ABHD12: variants seen among roughly 807,000 people sequenced by gnomAD.
ABHD12 encodes the protein abhydrolase domain containing 12, lysophospholipase, also known as lysophosphatidylserine lipase ABHD12.
A neutral mutation model predicts 58.3 loss-of-function variants in ABHD12; 43 were observed. The observed-to-expected ratio is 0.74, with a 90% CI of 0.58 to 0.95. ABHD12 has a LOEUF of 0.95. Among genes scored for constraint, ABHD12 ranks in the 40% least tolerant of loss-of-function variants. The pLI, the probability that ABHD12 is intolerant of heterozygous loss-of-function variation, is 0.00. For synonymous variants in ABHD12, 219 were observed against 211.2 expected, an observed-to-expected ratio of 1.04 and a Z score of -0.32; for missense variants, 539 against 537.2, an observed-to-expected ratio of 1.00 and a Z score of -0.03.
At chr20:25,354,300 A>G (rs2089640142) in intron 1 of ABHD12, among the ~76,000 whole-genome samples, 1 of 152,170 alleles carries the variant, frequency 6.6e-6, no homozygotes, top group South Asian at 2.1e-4. Flanking sequence ...CAGAAGACGG[A>G]CACAGGGTGC....
At chr20:25,355,710 C>G (rs1285299287) in intron 1 of ABHD12, among the ~76,000 whole-genome samples, 1 of 152,126 alleles carries the variant, frequency 6.6e-6, no homozygotes, top group Non-Finnish European at 1.5e-5. Flanking sequence ...AGGCACCCAC[C>G]ACCATGCCCA....
At chr20:25,318,664 T>G (rs2089008564) in intron 4 of ABHD12, among the ~76,000 whole-genome samples, 1 of 29,054 alleles carries the variant, frequency 3.4e-5, no homozygotes, top group Non-Finnish European at 7.8e-5. Flanking sequence ...AGGCAGGATC[T>G]TTTTTTTTTT....
At chr20:25,348,909 C>T (rs935293025) in intron 1 of ABHD12, among the ~76,000 whole-genome samples, 40 of 151,568 alleles carry the variant, frequency 2.6e-4, no homozygotes, top group African/African-American at 9.2e-4. Context: ...GGTGAAACCC[C>T]GTCTCTACTA....
chr20:25,313,577 T>TAAAAATAA (rs2088904219), intron 6 of ABHD12, among the ~76,000 whole-genome samples: 1 of 45,102 alleles, frequency 2.2e-5, no homozygotes, highest in Admixed American at 2.3e-4. Flanking sequence ...GAATGATCAA[T>TAAAAATAA]AAAAATAAAA....
chr20:25,309,740 C>T (rs2088814153), intron 6 of ABHD12, among the ~76,000 whole-genome samples, 165 bp from the exon 7 acceptor site: 1 of 152,222 alleles, frequency 6.6e-6, no homozygotes, highest in Admixed American at 6.5e-5. Flanking sequence ...GCAGAGCAAG[C>T]AGTGGGGAGA....
chr20:25,304,127 G>A (rs2088691208), intron 10 of ABHD12, among the ~76,000 whole-genome samples: 1 of 152,250 alleles, frequency 6.6e-6, no homozygotes, highest in African/African-American at 2.4e-5. Flanking sequence ...TGCCAGGACC[G>A]GCGGAGCCTG....
intron 2 of ABHD12, among the ~76,000 whole-genome samples, chr20:25,325,882 C>A (rs2089166584): frequency 6.6e-6 from 1 of 151,832 alleles, no homozygotes; most frequent in African/African-American, 2.4e-5. Context: ...ACCAGCCTGG[C>A]CAACATGGCA....
At position 25,306,832 on chromosome 20, in the gene ABHD12, C is replaced by T; in HGVS notation, c.950+1G>A. ...ATTAGTTCCTGTCCCATAATACTCA[C>T]TTTTCATCATTTGCAAATTTAATTC... On this transcript the variant is annotated splice_donor_variant, in intron 10 of 12. Coordinates refer to ENST00000339157, the MANE Select transcript of ABHD12 (RefSeq NM_001042472.3). LOFTEE classifies it high-confidence loss of function. 1 of 1,604,078 alleles carries T rather than the reference C, an allele frequency of 6.2e-7. No homozygotes were observed. The highest frequency in any genetic ancestry group is 8.5e-7 in the Non-Finnish European group (1 of 1,171,274).
In ABHD12 at chr20:25,322,928, G is replaced by A. The variant is rs375764743; in HGVS notation, c.422+397C>T. Among the ~76,000 whole-genome samples, 254 of 151,860 alleles carry A rather than the reference G, an allele frequency of 1.7e-3. 3 individuals carry two copies. The highest frequency in any genetic ancestry group is 0.01 in the Middle Eastern group (3 of 292). On this transcript the variant is annotated intron_variant, in intron 3 of 12. Transcript: ENST00000339157. ...AGTAGAGATGGGGTTTCACCTTGTC[G>A]CCAAGGCTGGTCTCAAACTCCTGGA...
chr20:25,328,909 G>A (rs953286643), intron 2 of ABHD12, among the ~76,000 whole-genome samples: 3 of 152,202 alleles, frequency 2.0e-5, no homozygotes, highest in Non-Finnish European at 2.9e-5. Context: ...GGATCACACA[G>A]CCCCAGAGCG....
In ABHD12 at chr20:25,325,797, G is replaced by A. The variant is rs187223261; in HGVS notation, c.317-2367C>T. ...AAGAAATAAATGCAGCCAGCCAGGC[G>A]TGGTGACTCATGCCTGTAAACCTAG... On this transcript the variant is annotated intron_variant, in intron 2 of 12. Coordinates refer to ENST00000339157, the MANE Select transcript of ABHD12 (RefSeq NM_001042472.3). 4.6e-4 allele frequency among the ~76,000 whole-genome samples: 70 copies of A among 152,258 alleles called. No individual in the cohort carries two copies. In the East Asian group the frequency reaches 0.011, roughly 24 times the overall value.
chr20:25,375,710 A>G (rs1357073121), intron 1 of ABHD12, among the ~76,000 whole-genome samples: 1 of 152,138 alleles, frequency 6.6e-6, no homozygotes, highest in Non-Finnish European at 1.5e-5. Flanking sequence ...CTTGGTGCCC[A>G]GTGTTTTAAA....
intron 1 of ABHD12, among the ~76,000 whole-genome samples, chr20:25,376,506 C>T (rs1378532191): frequency 6.6e-6 from 1 of 152,162 alleles, no homozygotes; most frequent in African/African-American, 2.4e-5. Flanking sequence ...AACTGGGTAT[C>T]CTACTGTGAG....
At position 25,390,634 on chromosome 20, in the gene ABHD12, CGGA is replaced by C. The variant is rs1208988461; in HGVS notation, c.67_69del (p.Ser23del). 1.2e-5 allele frequency: 18 copies of C among 1,453,114 alleles called. No homozygotes were observed. In the East Asian group the frequency reaches 1.6e-4, roughly 13 times the overall value. 90.0% of individuals were successfully genotyped at this position (1,453,114 alleles called of 1,614,324 possible). On this transcript the variant is annotated inframe_deletion, in exon 1 of 13. Coordinates refer to ENST00000339157, the MANE Select transcript of ABHD12 (RefSeq NM_001042472.3). ...GCGTCCAGCGCCGCGGCGGCCGAGC[CGGA>C]GGAGGACGAGCCCGCGGCGGCGCAG...
At chr20:25,344,096 A>G (rs949386862) in intron 1 of ABHD12, among the ~76,000 whole-genome samples, 8 of 152,220 alleles carry the variant, frequency 5.3e-5, no homozygotes, top group Non-Finnish European at 1.2e-4. Context: ...GCCTCAGCAC[A>G]CTAGGAATAA....
chr20:25,338,944 T>C (rs2089416346), intron 2 of ABHD12: 1 of 1,218,312 alleles, frequency 8.2e-7, no homozygotes, highest in African/African-American at 1.6e-5. Context: ...TGGACAGAAA[T>C]CCAGTGCTGG....
In ABHD12 at chr20:25,323,263, A is replaced by G. The variant is rs537415653; in HGVS notation, c.422+62T>C. 56 of 1,000,658 alleles carry G rather than the reference A, an allele frequency of 5.6e-5. No homozygotes were observed. The East Asian group carries it at 1.2e-3, about 22-fold the overall frequency. The allele number at this position is 1,000,658 out of a possible 1,614,324, so 62.0% of individuals were successfully genotyped here. ...AGAGGCCAATGTCAAAGACAGCACC[A>G]GCTCAGTCATGTAGGGTCCTTTCCT... On this transcript the variant is annotated intron_variant, in intron 3 of 12. Coordinates refer to ENST00000339157, the MANE Select transcript of ABHD12 (RefSeq NM_001042472.3).
chr20:25,302,129 G>GAGCAGCTTC, intron 12 of ABHD12, 90 bp downstream of exon 12: 1 of 1,584,682 alleles, frequency 6.3e-7, no homozygotes, highest in Non-Finnish European at 8.6e-7. Flanking sequence ...GAGGCCCCCT[G>GAGCAGCTTC]AGCAGCTTCA....
chr20:25,383,008 T>C (rs2090040724), intron 1 of ABHD12, among the ~76,000 whole-genome samples: 1 of 151,928 alleles, frequency 6.6e-6, no homozygotes, highest in Non-Finnish European at 1.5e-5. Context: ...TGGCCCAGAC[T>C]GTACTGAGGG....
Sources: allele counts gnomAD v4.1 joint callset (sites outside exome capture counted in the v4.1 genomes callset), GRCh38; gene constraint gnomAD v4.1.1; transcripts MANE v1.5; gene names NCBI Gene and HGNC (gene_info 2026-07-23, HGNC 2026-07-21).